The following ATRNL1 variants were observed in gnomAD, a reference collection of about 807,000 sequenced individuals.
The protein encoded by ATRNL1 is attractin like 1, also known as attractin-like protein 1.
Under a neutral mutation model 182.7 loss-of-function variants are expected in ATRNL1, and 95 were observed. The observed-to-expected ratio is 0.52, with a 90% CI of 0.44 to 0.62. The LOEUF (loss-of-function observed/expected upper bound fraction) is 0.62. ATRNL1 is among the 20% of genes least tolerant of loss of function. ATRNL1 has a pLI of 0.00. For synonymous variants in ATRNL1, 576 were observed against 568.3 expected (o/e 1.01, Z -0.19); for missense variants, 1,471 against 1,679.5 (o/e 0.88, Z 2.17).
intron 26 of ATRNL1, among the ~76,000 whole-genome samples, chr10:115,638,403 A>G (rs781826746): frequency 9.2e-5 from 14 of 152,154 alleles, no homozygotes; most frequent in Non-Finnish European, 1.6e-4. Context: ...TCACATGGCT[A>G]TATTAATATG....
intron 3 of ATRNL1, among the ~76,000 whole-genome samples, chr10:115,126,849 A>G (rs1844997692): frequency 6.6e-6 from 1 of 152,192 alleles, no homozygotes; most frequent in South Asian, 2.1e-4. Context: ...ACATATAACT[A>G]AATGAAGATA....
At chr10:115,147,703 C>T (rs1173249292) in intron 5 of ATRNL1, among the ~76,000 whole-genome samples, 1 of 151,668 alleles carries the variant, frequency 6.6e-6, no homozygotes, top group Admixed American at 6.6e-5. Context: ...TCCAGTATTC[C>T]CAGCACAATT....
chr10:115,885,555 CAT>C (rs1486553732), intron 28 of ATRNL1, among the ~76,000 whole-genome samples: 2 of 152,234 alleles, frequency 1.3e-5, no homozygotes, highest in African/African-American at 2.4e-5. Flanking sequence ...ACAATGCTAA[CAT>C]ATATTCATCG....
chr10:115,879,727 T>G (rs564619149), intron 28 of ATRNL1, among the ~76,000 whole-genome samples: 7 of 149,930 alleles, frequency 4.7e-5, no homozygotes, highest in African/African-American at 1.8e-4. Flanking sequence ...TCACTGTGAG[T>G]TTTTTTTAAG....
intron 5 of ATRNL1, among the ~76,000 whole-genome samples, chr10:115,132,200 G>A (rs189586106): frequency 2.0e-5 from 3 of 151,784 alleles, no homozygotes; most frequent in Admixed American, 6.6e-5. Context: ...TTGTCCTTGC[G>A]ATAGTTTGCT....
chr10:115,678,361 A>G (rs12415628), intron 26 of ATRNL1, among the ~76,000 whole-genome samples: 4,658 of 152,218 alleles, frequency 0.031, 297 homozygotes, highest in Admixed American at 0.15. Context: ...AGGTTAAGAA[A>G]TAAACTACGA....
Position 115,739,939 on chromosome 10 carries a change from G to A in ATRNL1, c.3903+12584G>A, listed in dbSNP as rs114159732. On this transcript the variant is annotated intron_variant, in intron 27 of 28. Coordinates refer to ENST00000355044, the MANE Select transcript of ATRNL1 (RefSeq NM_207303.4). ...TTGTATATCCTTTTTTCTGTTACAC[G>A]CAGTAGGAGATAATCTCATCAGGTT... Among the ~76,000 whole-genome samples the A allele has an allele frequency of 6.3e-3, 955 of 151,946 alleles. 11 individuals are homozygous for A. Among genetic ancestry groups the A allele is most frequent in the Middle Eastern group, 0.014 (4 of 290 alleles).
chr10:115,927,771 G>A (rs2134583425), intron 28 of ATRNL1, among the ~76,000 whole-genome samples: 1 of 152,018 alleles, frequency 6.6e-6, no homozygotes, highest in East Asian at 1.9e-4. Context: ...GTAGGTGTTG[G>A]GAATCGTTTT....
At chr10:115,132,199 C>T (rs891789091) in intron 5 of ATRNL1, among the ~76,000 whole-genome samples, 1 of 151,664 alleles carries the variant, frequency 6.6e-6, no homozygotes, top group Non-Finnish European at 1.5e-5. Flanking sequence ...TTTGTCCTTG[C>T]GATAGTTTGC....
intron 10 of ATRNL1, among the ~76,000 whole-genome samples, chr10:115,257,965 G>T (rs934155087): frequency 6.6e-6 from 1 of 152,170 alleles, no homozygotes; most frequent in African/African-American, 2.4e-5. Flanking sequence ...TAGGGTTTCT[G>T]CCGAGAGATC....
intron 27 of ATRNL1, among the ~76,000 whole-genome samples, chr10:115,790,766 TCTA>T (rs1949512647): frequency 6.6e-6 from 1 of 152,298 alleles, no homozygotes; most frequent in African/African-American, 2.4e-5. Flanking sequence ...TTTTCTATCT[TCTA>T]CTACTTTTTT....
At chr10:115,539,061 A>G (rs939523784) in intron 25 of ATRNL1, among the ~76,000 whole-genome samples, 7 of 152,184 alleles carry the variant, frequency 4.6e-5, no homozygotes, top group South Asian at 2.1e-4. Flanking sequence ...AGCACCCTCT[A>G]TGATGTTTGC....
At chr10:115,851,668 G>T (rs1402894844) in intron 28 of ATRNL1, among the ~76,000 whole-genome samples, 1 of 152,106 alleles carries the variant, frequency 6.6e-6, no homozygotes, top group East Asian at 1.9e-4. Context: ...AGGCTTTTTG[G>T]CATTCCTAGA....
At chr10:115,696,821 T>A (rs562388964) in intron 26 of ATRNL1, among the ~76,000 whole-genome samples, 1 of 150,006 alleles carries the variant, frequency 6.7e-6, no homozygotes, top group African/African-American at 2.5e-5. Context: ...AAACTTATAA[T>A]CATGGCAGAA....
intron 19 of ATRNL1, among the ~76,000 whole-genome samples, chr10:115,384,478 A>C (rs888433286): frequency 1.3e-5 from 2 of 151,842 alleles, no homozygotes; most frequent in East Asian, 3.8e-4. Context: ...TTTATGCTTT[A>C]TGGGCCATTC....
intron 26 of ATRNL1, among the ~76,000 whole-genome samples, chr10:115,575,928 G>T (rs558039226): frequency 1.3e-5 from 2 of 152,062 alleles, no homozygotes; most frequent in South Asian, 4.1e-4. Context: ...GAAAACCACT[G>T]TTATTCTCCC....
intron 9 of ATRNL1, among the ~76,000 whole-genome samples, chr10:115,222,843 T>C (rs1849522466): frequency 6.6e-6 from 1 of 152,164 alleles, no homozygotes; most frequent in East Asian, 1.9e-4. Flanking sequence ...AGATACTGGA[T>C]GGAATGTAAT....
In ATRNL1 at chr10:115,332,746, A is replaced by G. The variant is rs559380750; in HGVS notation, c.3038-1536A>G. On this transcript the variant is annotated intron_variant, in intron 18 of 28. Coordinates refer to ENST00000355044, the MANE Select transcript of ATRNL1 (RefSeq NM_207303.4). ...CATGCTAATTCATTTTGATGATCCT[A>G]TGCTAGCCTCTTGGGAATTCCTCTC... is the stretch of plus-strand genomic sequence containing the variant. Among the ~76,000 whole-genome samples, 4 of 151,330 alleles carry G rather than the reference A, an allele frequency of 2.6e-5. No individual in the cohort carries two copies. The South Asian group carries it at 8.3e-4, about 32-fold the overall frequency.
chr10:115,096,638 A>G (rs1554863204), intron 1 of ATRNL1: 5 of 1,287,444 alleles, frequency 3.9e-6, no homozygotes, highest in Non-Finnish European at 5.1e-6. Context: ...CTTTTTTTCT[A>G]CTATAGGGAT....
Sources: allele counts gnomAD v4.1 joint callset (sites outside exome capture counted in the v4.1 genomes callset), GRCh38; gene constraint gnomAD v4.1.1; transcripts MANE v1.5; gene names NCBI Gene and HGNC (gene_info 2026-07-23, HGNC 2026-07-21).